Variants in SLC7A14 observed in about 807,000 individuals in gnomAD.
The protein encoded by SLC7A14 is gamma-aminobutyric acid transporter SLC7A14.
A neutral mutation model predicts 60.2 loss-of-function variants in SLC7A14; 37 were observed. The ratio of observed to expected loss-of-function variants is 0.61; its 90% CI spans 0.47 to 0.81. SLC7A14 has a LOEUF of 0.81. SLC7A14 is among the 30% of genes least tolerant of loss of function. SLC7A14 has a pLI of 0.00. For missense variants in SLC7A14, 886 were observed against 982.7 expected, an observed-to-expected ratio of 0.90 and a Z score of 1.32; for synonymous variants, 399 against 395.8, an observed-to-expected ratio of 1.01 and a Z score of -0.10.
intron 4 of SLC7A14, among the ~76,000 whole-genome samples, chr3:170,493,039 G>A (rs996479915): frequency 6.6e-6 from 1 of 152,148 alleles, no homozygotes; most frequent in African/African-American, 2.4e-5. Flanking sequence ...ACAAATGATT[G>A]CTATGGACCA....
intron 1 of SLC7A14, among the ~76,000 whole-genome samples, chr3:170,551,392 G>A (rs1204994704): frequency 6.6e-6 from 1 of 152,140 alleles, no homozygotes; most frequent in Non-Finnish European, 1.5e-5. Flanking sequence ...GTGGACATTC[G>A]TTTTCAGGTC....
chr3:170,494,373 G>A (rs1712315980), intron 4 of SLC7A14, among the ~76,000 whole-genome samples: 1 of 152,226 alleles, frequency 6.6e-6, no homozygotes, highest in Non-Finnish European at 1.5e-5. Flanking sequence ...AAGTTAGTGA[G>A]AACCCAGGAT....
chr3:170,496,315 A>G, intron 4 of SLC7A14: 2 of 1,037,608 alleles, frequency 1.9e-6, no homozygotes, highest in South Asian at 2.5e-5. Flanking sequence ...CTGGCTGGCA[A>G]GCACGGGGAT....
At chr3:170,569,496 G>T (rs1714884264) in intron 1 of SLC7A14, among the ~76,000 whole-genome samples, 1 of 151,798 alleles carries the variant, frequency 6.6e-6, no homozygotes, top group South Asian at 2.1e-4. Context: ...TCTCTGCCAG[G>T]CTTTGGTATC....
chr3:170,467,793 C>A (rs958189782), intron 7 of SLC7A14, among the ~76,000 whole-genome samples: 4 of 152,146 alleles, frequency 2.6e-5, no homozygotes, highest in Admixed American at 6.5e-5. Flanking sequence ...CATTTTCTAC[C>A]CTGGGTGAAC....
At chr3:170,483,220 G>T in intron 6 of SLC7A14, 94 bp downstream of exon 6, 1 of 1,416,628 alleles carries the variant, frequency 7.1e-7, no homozygotes, top group Non-Finnish European at 9.9e-7. Context: ...GAAAGGCACT[G>T]ATGTCAAAAT....
chr3:170,512,654 A>T (rs1365942082), intron 2 of SLC7A14, among the ~76,000 whole-genome samples: 81 of 63,134 alleles, frequency 1.3e-3, no homozygotes, highest in East Asian at 3.2e-3. Flanking sequence ...TACAATTTGC[A>T]TTTTTTTTTT....
At chr3:170,548,620 G>A (rs923707021) in intron 1 of SLC7A14, among the ~76,000 whole-genome samples, 1 of 152,230 alleles carries the variant, frequency 6.6e-6, no homozygotes, top group African/African-American at 2.4e-5. Context: ...CAAAATAAAA[G>A]CACAGATGCA....
intron 7 of SLC7A14, among the ~76,000 whole-genome samples, chr3:170,472,693 G>A (rs891628606): frequency 6.6e-6 from 1 of 151,888 alleles, no homozygotes; most frequent in South Asian, 2.1e-4. Flanking sequence ...CGTGAACCTG[G>A]GAGGCAGAGC....
chr3:170,542,267 T>C (rs1714041083), intron 1 of SLC7A14, among the ~76,000 whole-genome samples: 1 of 152,264 alleles, frequency 6.6e-6, no homozygotes, highest in African/African-American at 2.4e-5. Context: ...CATTGGTTTC[T>C]AATAGCTTGG....
chr3:170,505,654 G>A (rs974665874), intron 2 of SLC7A14, among the ~76,000 whole-genome samples: 37 of 152,170 alleles, frequency 2.4e-4, no homozygotes, highest in African/African-American at 8.7e-4. Context: ...GGGAGGGCGA[G>A]GCGGGTGGAT....
chr3:170,471,734 G>T (rs1739916234), intron 7 of SLC7A14, among the ~76,000 whole-genome samples: 1 of 152,172 alleles, frequency 6.6e-6, no homozygotes, highest in African/African-American at 2.4e-5. Flanking sequence ...TTTGAGGGTG[G>T]ATTTGATTTT....
chr3:170,574,867 C>T (rs1211870451), intron 1 of SLC7A14, among the ~76,000 whole-genome samples: 1 of 152,276 alleles, frequency 6.6e-6, no homozygotes, highest in African/African-American at 2.4e-5. Context: ...ATCTAGTCAC[C>T]GTACTGCTTT....
In SLC7A14 at chr3:170,492,552, G is replaced by A. The variant is rs142515525; in HGVS notation, c.759+6115C>T. Among the ~76,000 whole-genome samples, 531 of 152,268 alleles carry A rather than the reference G, an allele frequency of 3.5e-3. 5 individuals carry two copies. Among genetic ancestry groups the A allele is most frequent in the African/African-American group, 0.012 (503 of 41,546 alleles). ...ATTTGATGATATAGCTGAGATTGTT[G>A]TTTGAAGTCAACCTGGTGTAAAAAC... On this transcript the variant is annotated intron_variant, in intron 4 of 7. Coordinates refer to ENST00000231706, the MANE Select transcript of SLC7A14 (RefSeq NM_020949.3).
intron 2 of SLC7A14, among the ~76,000 whole-genome samples, chr3:170,510,721 C>G (rs1030265295): frequency 5.3e-5 from 8 of 152,288 alleles, no homozygotes; most frequent in African/African-American, 1.9e-4. Context: ...CCAGATTGGT[C>G]CTTCTTCATT....
chr3:170,491,453 A>C (rs549397626), intron 4 of SLC7A14, among the ~76,000 whole-genome samples: 1 of 152,356 alleles, frequency 6.6e-6, no homozygotes, highest in South Asian at 2.1e-4. Context: ...TAGGCAGTCA[A>C]GATAATTTAT....
At chr3:170,492,417 A>T (rs1381044205) in intron 4 of SLC7A14, among the ~76,000 whole-genome samples, 2 of 152,132 alleles carry the variant, frequency 1.3e-5, no homozygotes, top group Admixed American at 6.5e-5. Context: ...AGGTGGGAAG[A>T]TTACTTGAGC....
chr3:170,475,736 A>G (rs965723831), intron 7 of SLC7A14, among the ~76,000 whole-genome samples: 3 of 151,836 alleles, frequency 2.0e-5, no homozygotes, highest in African/African-American at 7.3e-5. Context: ...TTTTTGAGAC[A>G]GAGTCTTGCT....
At chr3:170,475,243 G>A (rs945003728) in intron 7 of SLC7A14, among the ~76,000 whole-genome samples, 5 of 152,110 alleles carry the variant, frequency 3.3e-5, no homozygotes, top group African/African-American at 1.2e-4. Context: ...GCAAAACATT[G>A]TTACAAAAAT....
Sources: gnomAD v4.1 joint callset for allele counts (sites outside exome capture counted in the v4.1 genomes callset) on GRCh38, gnomAD v4.1.1 for gene constraint, MANE v1.5 for transcripts, NCBI Gene and HGNC (gene_info 2026-07-23, HGNC 2026-07-21) for gene names.